OTUB1: variants seen among roughly 807,000 people sequenced by gnomAD.
The protein encoded by OTUB1 is ubiquitin thioesterase OTUB1.
Under a neutral mutation model 35.8 loss-of-function variants are expected in OTUB1, and 10 were observed. The observed-to-expected ratio is 0.28, with a 90% CI of 0.17 to 0.47. The LOEUF (loss-of-function observed/expected upper bound fraction) is 0.47. Among genes scored for constraint, OTUB1 ranks in the 20% least tolerant of loss-of-function variants. The pLI is 0.99. For missense variants in OTUB1, 264 were observed against 351.6 expected (o/e 0.75, Z 1.99); for synonymous variants, 158 against 143.8 (o/e 1.10, Z -0.71).
In OTUB1 at chr11:63,997,961, C is replaced by G. The variant is rs1454377144; in HGVS notation, c.*415C>G. The G allele has an allele frequency of 1.7e-6, 1 of 590,518 alleles. No homozygotes were observed. The allele number at this position is 590,518 out of a possible 1,614,324, so 36.6% of individuals were successfully genotyped here. Reference sequence around the variant, plus strand: ...GCCCAGGGTCCCAGGGCCACCCACACTTCATCTGCTCCCTCATAGGCCCCA... The same window carrying G: ...GCCCAGGGTCCCAGGGCCACCCACAGTTCATCTGCTCCCTCATAGGCCCCA... On this transcript the variant is annotated 3_prime_UTR_variant, in exon 7 of 7. Coordinates refer to ENST00000538426, the MANE Select transcript of OTUB1 (RefSeq NM_017670.3).
chr11:63,986,820 C>T (rs974758140), intron 1 of OTUB1: 64 of 371,806 alleles, frequency 1.7e-4, no homozygotes, highest in Admixed American at 1.4e-4. Context: ...GCTCCAGGGG[C>T]CCCGAGCCCT....
chr11:63,991,966 C>T (rs1176281947), intron 3 of OTUB1, among the ~76,000 whole-genome samples: 3 of 152,094 alleles, frequency 2.0e-5, no homozygotes, highest in Non-Finnish European at 4.4e-5. Context: ...GCCTGTAATC[C>T]CAGCACACTG....
chr11:63,990,584 T>A (rs1000493376), intron 3 of OTUB1: 5 of 101,548 alleles, frequency 4.9e-5, no homozygotes, highest in African/African-American at 2.8e-4. Context: ...GACCTGTCTC[T>A]TAAAAAAATA....
chr11:63,987,675 AGTT>A (rs1158831699), intron 1 of OTUB1, among the ~76,000 whole-genome samples: 4 of 152,294 alleles, frequency 2.6e-5, no homozygotes, highest in South Asian at 4.1e-4. Context: ...ACCTGTCTGC[AGTT>A]GTTTTGTTAA....
In OTUB1 at chr11:63,990,645, A is replaced by G. The variant is rs191588513; in HGVS notation, c.219+1893A>G. The G allele has an allele frequency of 1.9e-4, 29 of 152,012 alleles. 1 individual carries two copies. In the East Asian group the frequency reaches 5.4e-3, roughly 28 times the overall value. 9.4% of individuals were successfully genotyped at this position (152,012 alleles called of 1,614,324 possible). A position where few individuals can be genotyped will look rare whatever the true frequency, so the allele number is the denominator to read the frequency against. On this transcript the variant is annotated intron_variant, in intron 3 of 6. Coordinates refer to ENST00000538426, the MANE Select transcript of OTUB1 (RefSeq NM_017670.3). The stretch of plus-strand genomic sequence containing the variant: ...ATAAATGTGACAATGGGTGTGTGGA[A>G]ACAGTATCTGGTAGGCTCAGTGTAG...
intron 3 of OTUB1, among the ~76,000 whole-genome samples, chr11:63,993,832 G>A (rs1942694535): frequency 6.6e-6 from 1 of 151,968 alleles, no homozygotes; most frequent in African/African-American, 2.4e-5. Flanking sequence ...ACTGTACCTG[G>A]CCATGAGAGT....
intron 3 of OTUB1, among the ~76,000 whole-genome samples, chr11:63,994,966 G>A (rs1359297555): frequency 6.6e-6 from 1 of 152,224 alleles, no homozygotes; most frequent in African/African-American, 2.4e-5. Flanking sequence ...GTAGCTGAAT[G>A]TGTATATGCT....
rs908572133 is a variant in OTUB1 at position 63,988,556 on chromosome 11, C to T, written c.121-98C>T. 8 of 1,247,830 alleles carry T rather than the reference C, an allele frequency of 6.4e-6. No individual in the cohort carries two copies. The African/African-American group carries it at 8.8e-5, about 14-fold the overall frequency. The allele number at this position is 1,247,830 out of a possible 1,614,324, so 77.3% of individuals were successfully genotyped here. A position where few individuals can be genotyped will look rare whatever the true frequency, so the allele number is the denominator to read the frequency against. The stretch of plus-strand genomic sequence containing the variant: ...TGCTTTTCTGGGGGTCGCTGTGCCA[C>T]CGGGTGACCAGCCCAGCTCTTTTGT... On this transcript the variant is annotated intron_variant, in intron 2 of 6. Coordinates refer to ENST00000538426, the MANE Select transcript of OTUB1 (RefSeq NM_017670.3).
intron 3 of OTUB1, chr11:63,990,468 C>G (rs1469150423): frequency 6.6e-6 from 1 of 151,754 alleles, no homozygotes; most frequent in Non-Finnish European, 1.5e-5. Flanking sequence ...TGTGGTAGCA[C>G]ATGTCTATAG....
chr11:63,986,801 C>T, intron 1 of OTUB1: 1 of 398,642 alleles, frequency 2.5e-6, no homozygotes, highest in East Asian at 4.0e-5. Flanking sequence ...CCCAACCCCT[C>T]GGCTCCTGGC....
Position 63,996,809 on chromosome 11 carries a change from G to A in OTUB1, c.339-48G>A, listed in dbSNP as rs371160499. The A allele has an allele frequency of 1.9e-6, 3 of 1,612,736 alleles. No individual in the cohort carries two copies. The African/African-American group carries it at 4.0e-5, about 22-fold the overall frequency. On this transcript the variant is annotated intron_variant, in intron 4 of 6. Transcript: ENST00000538426. ...GTGCTGTCTCGGCCCTGGCGTCTGGGCTGGTCGAGGAGCCCATGCTGGGCC... is the reference window on the plus strand; with the variant it reads ...GTGCTGTCTCGGCCCTGGCGTCTGGACTGGTCGAGGAGCCCATGCTGGGCC...
At chr11:63,994,625 T>G (rs770719920) in intron 3 of OTUB1, among the ~76,000 whole-genome samples, 3 of 152,192 alleles carry the variant, frequency 2.0e-5, no homozygotes, top group Non-Finnish European at 4.4e-5. Flanking sequence ...TCCCTGACCC[T>G]CAGAGCTTAG....
rs1942724500 is a variant in OTUB1 at position 63,996,891 on chromosome 11, C to T, written c.373C>T (p.Leu125=). The change falls in exon 5 of 7, where the codon CTG becomes TTG. Residue 125 remains leucine, a synonymous_variant. Coordinates refer to ENST00000538426, the MANE Select transcript of OTUB1 (RefSeq NM_017670.3). The stretch of plus-strand genomic sequence containing the variant: ...TGTGTCTGCCAAGAGCAAGGAAGAC[C>T]TGGTGTCCCAGGGCTTCACTGAATT... ...KAVSAKSKED[L]VSQGFTEFTI... The T allele has an allele frequency of 6.2e-7, 1 of 1,614,056 alleles. No individual in the cohort carries two copies. Among genetic ancestry groups the T allele is most frequent in the African/African-American group, 1.3e-5 (1 of 74,954 alleles).
At chr11:63,988,478 T>C (rs566264770) in intron 2 of OTUB1, 80 bp downstream of exon 2, 1 of 1,413,436 alleles carries the variant, frequency 7.1e-7, no homozygotes, top group Admixed American at 1.9e-5. Flanking sequence ...TGAGGCCTAT[T>C]GTCTGTCTCT....
chr11:63,997,202 C>T lies in OTUB1; in HGVS notation c.576C>T (p.His192=). ...AGCGCGAGAGCAAGTTCTTCGAGCA[C>T]TTCATCGAGGGTGGACGGACTGTCA... The part of the protein sequence containing the change: ...YLQRESKFFE[H]FIEGGRTVKE... The change falls in exon 6 of 7, where the codon CAC becomes CAT. Residue 192 remains histidine, a synonymous_variant. Transcript: ENST00000538426. 6.2e-7 allele frequency: 1 copy of T among 1,614,214 alleles called. No homozygotes were observed. Among genetic ancestry groups the T allele is most frequent in the Non-Finnish European group, 8.5e-7 (1 of 1,180,020 alleles).
At chr11:63,989,341 C>T (rs868258970) in intron 3 of OTUB1, 1 of 151,396 alleles carries the variant, frequency 6.6e-6, no homozygotes, top group Non-Finnish European at 1.5e-5. Flanking sequence ...GACATTGATT[C>T]AAATCTAGAC....
rs942716031 is a variant in OTUB1 at position 63,997,180 on chromosome 11, G to A, written c.554G>A (p.Arg185His). Residue 185 changes from arginine (R) to histidine (H), a missense_variant, in exon 6 of 7, where the codon CGC (arginine) becomes CAC (histidine). Transcript: ENST00000538426. Reference protein sequence around the residue: ...LRLLTSGYLQRESKFFEHFIE... With the variant: ...LRLLTSGYLQHESKFFEHFIE... ...CTGCTCACCTCGGGCTACCTGCAGCGCGAGAGCAAGTTCTTCGAGCACTTC... is the reference window on the plus strand; with the variant it reads ...CTGCTCACCTCGGGCTACCTGCAGCACGAGAGCAAGTTCTTCGAGCACTTC... 10 of 1,614,080 alleles carry A rather than the reference G, an allele frequency of 6.2e-6. No homozygotes were observed. The highest frequency in any genetic ancestry group is 2.7e-5 in the African/African-American group (2 of 74,930).
chr11:63,986,509 C>G lies in OTUB1; in HGVS notation c.53C>G (p.Ser18Cys), dbSNP rs1942621268. 1 of 1,550,912 alleles carries G rather than the reference C, an allele frequency of 6.4e-7. No homozygotes were observed. The highest frequency in any genetic ancestry group is 1.4e-5 in the African/African-American group (1 of 73,008). Residue 18 changes from serine to cysteine, a missense_variant, in exon 1 of 7, where the codon TCC (serine) becomes TGC (cysteine). Physicochemically the swap from Ser to Cys is moderately radical, Grantham distance 112. Transcript: ENST00000538426. ...AAGCAGGAGCCGCTGGGCAGCGACT[C>G]CGAAGGTACAGATCCAAGGAGGGAT... is the stretch of plus-strand genomic sequence containing the variant. The part of the protein sequence containing the change: ...QQKQEPLGSD[S>C]EGVNCLAYDE...
In OTUB1 at chr11:63,986,483, G is replaced by A; in HGVS notation, c.27G>A (p.Gln9=). 4.5e-6 allele frequency: 7 copies of A among 1,554,612 alleles called. No individual in the cohort carries two copies. The highest frequency in any genetic ancestry group is 6.1e-6 in the Non-Finnish European group (7 of 1,149,472). MAAEEPQQ[Q]KQEPLGSDSE... Reference sequence around the variant, plus strand: ...TGGCGGCGGAGGAACCTCAGCAGCAGAAGCAGGAGCCGCTGGGCAGCGACT... The same window carrying A: ...TGGCGGCGGAGGAACCTCAGCAGCAAAAGCAGGAGCCGCTGGGCAGCGACT... Residue 9 remains glutamine, a synonymous_variant, in exon 1 of 7, where the codon CAG becomes CAA. Coordinates refer to ENST00000538426, the MANE Select transcript of OTUB1 (RefSeq NM_017670.3).
Sources: gnomAD v4.1 joint callset for allele counts (sites outside exome capture counted in the v4.1 genomes callset) on GRCh38, gnomAD v4.1.1 for gene constraint, MANE v1.5 for transcripts, NCBI Gene and HGNC (gene_info 2026-07-23, HGNC 2026-07-21) for gene names.